The following TOP6BL variants were observed in gnomAD, a reference collection of about 807,000 sequenced individuals.
The protein encoded by TOP6BL is type 2 DNA topoisomerase 6 subunit B-like.
chr11:66,811,854 G>C, the TOP6BL span, among the ~76,000 whole-genome samples: 1 of 152,144 alleles, frequency 6.6e-6, no homozygotes, highest in African/African-American at 2.4e-5. Context: ...GCAGAGAGAG[G>C]CTCGCTTGAG....
the TOP6BL span, among the ~76,000 whole-genome samples, chr11:66,752,709 TCC>T: frequency 6.6e-6 from 1 of 152,030 alleles, no homozygotes; most frequent in Non-Finnish European, 1.5e-5. Context: ...CACCTCAGCC[TCC>T]CAAAGTGCTG....
At chr11:66,770,879 T>C in the TOP6BL span, among the ~76,000 whole-genome samples, 3 of 152,170 alleles carry the variant, frequency 2.0e-5, no homozygotes, top group Non-Finnish European at 4.4e-5. Context: ...TTCTTTCTTA[T>C]CAGTCTCCAG....
At chr11:66,745,749 C>A in the TOP6BL span, among the ~76,000 whole-genome samples, 1 of 152,262 alleles carries the variant, frequency 6.6e-6, no homozygotes, top group Non-Finnish European at 1.5e-5. Flanking sequence ...GGCCAGTGTT[C>A]TTTTCCCAAC....
chr11:66,778,659 CTACTT>C, the TOP6BL span, among the ~76,000 whole-genome samples: 19 of 152,060 alleles, frequency 1.2e-4, no homozygotes, highest in Non-Finnish European at 2.6e-4. Flanking sequence ...TTGGAAAAAA[CTACTT>C]TAAAGTTCAT....
At chr11:66,810,681 A>C in the TOP6BL span, among the ~76,000 whole-genome samples, 1 of 152,348 alleles carries the variant, frequency 6.6e-6, no homozygotes, top group South Asian at 2.1e-4. Flanking sequence ...GAAGGTGAAC[A>C]TTACAGTAGC....
chr11:66,841,053 T>C, the TOP6BL span, among the ~76,000 whole-genome samples: 3 of 151,888 alleles, frequency 2.0e-5, no homozygotes, highest in Non-Finnish European at 4.4e-5. Flanking sequence ...TTAGTCTGTT[T>C]CATGATTAAT....
the TOP6BL span, among the ~76,000 whole-genome samples, chr11:66,791,863 G>T: frequency 1.3e-5 from 2 of 151,082 alleles, no homozygotes; most frequent in South Asian, 4.2e-4. Flanking sequence ...TGTGGCCCAG[G>T]CTGGAGTGTA....
the TOP6BL span, among the ~76,000 whole-genome samples, chr11:66,800,121 T>C: frequency 6.6e-6 from 1 of 151,990 alleles, no homozygotes; most frequent in Admixed American, 6.6e-5. Flanking sequence ...TATACCACAT[T>C]TTCTTAATCA....
At chr11:66,810,959 T>G in the TOP6BL span, among the ~76,000 whole-genome samples, 1 of 152,168 alleles carries the variant, frequency 6.6e-6, no homozygotes. Flanking sequence ...CACTGAGGCT[T>G]TATTCATTTA....
chr11:66,780,897 T>A, the TOP6BL span, among the ~76,000 whole-genome samples: 1 of 152,188 alleles, frequency 6.6e-6, no homozygotes, highest in Admixed American at 6.5e-5. Context: ...CTTTATTGTT[T>A]ATGGTAAGAA....
chr11:66,769,555 A>G, the TOP6BL span, among the ~76,000 whole-genome samples: 15 of 152,092 alleles, frequency 9.9e-5, no homozygotes, highest in Middle Eastern at 3.4e-3. Context: ...GTGTACATAT[A>G]GAACTTATAC....
At chr11:66,753,997 G>A in the TOP6BL span, among the ~76,000 whole-genome samples, 2 of 152,218 alleles carry the variant, frequency 1.3e-5, no homozygotes, top group Non-Finnish European at 2.9e-5. Flanking sequence ...GAGCCACCAC[G>A]CCTGGCCAAC....
At chr11:66,792,792 G>A in the TOP6BL span, among the ~76,000 whole-genome samples, 47 of 152,144 alleles carry the variant, frequency 3.1e-4, no homozygotes, top group East Asian at 8.1e-3. Context: ...CTTTCACTTC[G>A]GTTGTCTTAC....
chr11:66,749,063 T>G, the TOP6BL span, among the ~76,000 whole-genome samples: 1 of 151,212 alleles, frequency 6.6e-6, no homozygotes, highest in Admixed American at 6.6e-5. Flanking sequence ...TGTGTGTGTG[T>G]GGTGTGTGTG....
the TOP6BL span, among the ~76,000 whole-genome samples, chr11:66,799,084 G>C: frequency 6.6e-6 from 1 of 151,868 alleles, no homozygotes; most frequent in Non-Finnish European, 1.5e-5. Flanking sequence ...GCGCACGCCT[G>C]TAATCCCAGC....
the TOP6BL span, among the ~76,000 whole-genome samples, chr11:66,762,812 T>G: frequency 6.6e-6 from 1 of 152,154 alleles, no homozygotes; most frequent in Non-Finnish European, 1.5e-5. Flanking sequence ...AACAAACTAT[T>G]TTTACAACTC....
At chr11:66,769,156 T>G in the TOP6BL span, among the ~76,000 whole-genome samples, 1 of 152,186 alleles carries the variant, frequency 6.6e-6, no homozygotes, top group African/African-American at 2.4e-5. Context: ...GATACTGTAT[T>G]TTTTCTTGAG....
the TOP6BL span, chr11:66,761,747 A>G: frequency 2.6e-6 from 2 of 780,538 alleles, no homozygotes; most frequent in Admixed American, 1.8e-5. Context: ...ATCTGTGTTG[A>G]GTGTATAGTT....
At chr11:66,763,739 G>A in the TOP6BL span, among the ~76,000 whole-genome samples, 2 of 152,094 alleles carry the variant, frequency 1.3e-5, no homozygotes, top group Non-Finnish European at 2.9e-5. Context: ...TGAGTAGCTA[G>A]GGTCACATGT....
Sources: gnomAD v4.1 joint callset for allele counts (sites outside exome capture counted in the v4.1 genomes callset) on GRCh38, gnomAD v4.1.1 for gene constraint, MANE v1.5 for transcripts, NCBI Gene and HGNC (gene_info 2026-07-23, HGNC 2026-07-21) for gene names.